Variants in SREBF1 observed in about 807,000 individuals in gnomAD.
SREBF1 encodes sterol regulatory element-binding protein 1.
Under a neutral mutation model 100.1 loss-of-function variants are expected in SREBF1, and 45 were observed. That is an observed-to-expected ratio of 0.45 (90% CI 0.35 to 0.58). The LOEUF (loss-of-function observed/expected upper bound fraction) is 0.58. SREBF1 is among the 20% of genes least tolerant of loss of function. The pLI is 0.00. For missense variants in SREBF1, 1,324 were observed against 1,539.4 expected (o/e 0.86, Z 2.34); for synonymous variants, 657 against 681.8 (o/e 0.96, Z 0.57).
chr17:17,826,594 G>C (rs1022907361), intron 1 of SREBF1, among the ~76,000 whole-genome samples: 8 of 152,156 alleles, frequency 5.3e-5, no homozygotes, highest in African/African-American at 1.9e-4. Context: ...ACCTTCCCCA[G>C]GCTTGTGAAG....
intron 15 of SREBF1, 25 bp from the exon 16 acceptor site, chr17:17,814,435 G>A: frequency 1.3e-6 from 2 of 1,550,604 alleles, no homozygotes; most frequent in Non-Finnish European, 1.7e-6. Flanking sequence ...GCAGAAGAGT[G>A]CCAGTCAGAC....
intron 1 of SREBF1, among the ~76,000 whole-genome samples, chr17:17,836,222 G>T (rs1448717715): frequency 6.6e-6 from 1 of 152,286 alleles, no homozygotes; most frequent in Non-Finnish European, 1.5e-5. Context: ...GTCGCAGACC[G>T]GGAGAACCCG....
chr17:17,815,939 GC>G lies in SREBF1; in HGVS notation c.2303del (p.Gly768AlafsTer34). On this transcript the variant is annotated frameshift_variant, in exon 12 of 19. Coordinates refer to ENST00000261646, the MANE Select transcript of SREBF1 (RefSeq NM_004176.5). LOFTEE classifies it high-confidence loss of function. ...PAMQWLCHPV[G>X]HRFFVDGDWS... The stretch of plus-strand genomic sequence containing the variant: ...AGTCCCCATCCACGAAGAAACGGTG[GC>G]CCACGGGGTGGCAGAGCCACTGCAT... 6.2e-7 allele frequency: 1 copy of G among 1,612,918 alleles called. No individual in the cohort carries two copies. The highest frequency in any genetic ancestry group is 8.5e-7 in the Non-Finnish European group (1 of 1,179,934).
rs908195169 is a variant in SREBF1 at position 17,831,712 on chromosome 17, C to T, written c.91+5015G>A. Among the ~76,000 whole-genome samples the T allele has an allele frequency of 5.3e-5, 8 of 152,324 alleles. No homozygotes were observed. The South Asian group carries it at 1.7e-3, about 32-fold the overall frequency. Reference sequence around the variant, plus strand: ...GGCCATCTCCTGATCCATCCTCCCCCGACAGCTGCAAGGTACTCTGAGGCC... The same window carrying T: ...GGCCATCTCCTGATCCATCCTCCCCTGACAGCTGCAAGGTACTCTGAGGCC... On this transcript the variant is annotated intron_variant, in intron 1 of 18. Transcript: ENST00000261646.
chr17:17,833,315 T>C (rs2034992356), intron 1 of SREBF1, among the ~76,000 whole-genome samples: 1 of 147,684 alleles, frequency 6.8e-6, no homozygotes, highest in Admixed American at 6.8e-5. Context: ...TCCCAGCTAC[T>C]CGGGAGGCTG....
At chr17:17,823,993 C>A (rs930126007) in intron 1 of SREBF1, among the ~76,000 whole-genome samples, 9 of 152,304 alleles carry the variant, frequency 5.9e-5, no homozygotes, top group African/African-American at 2.2e-4. Flanking sequence ...CAGAGAAGTC[C>A]TGGCCCAACA....
At chr17:17,836,593 G>C (rs2035253840) in intron 1 of SREBF1, 134 bp downstream of exon 1, 2 of 891,760 alleles carry the variant, frequency 2.2e-6, no homozygotes, top group South Asian at 1.5e-5. Flanking sequence ...ACCGAGCTCA[G>C]AGACACCGGG....
intron 1 of SREBF1, among the ~76,000 whole-genome samples, chr17:17,836,482 A>C (rs1484805397): frequency 9.2e-5 from 14 of 151,948 alleles, no homozygotes; most frequent in Non-Finnish European, 2.1e-4. Context: ...CCCGGCCCGG[A>C]GCCGCCAAGG....
chr17:17,818,192 G>T, intron 6 of SREBF1, 68 bp downstream of exon 6: 1 of 1,367,696 alleles, frequency 7.3e-7, no homozygotes, highest in Non-Finnish European at 1.0e-6. Flanking sequence ...TAGGGATGGG[G>T]TGGGGCCGGG....
chr17:17,823,562 G>A (rs1430388680), intron 1 of SREBF1: 12 of 1,613,364 alleles, frequency 7.4e-6, no homozygotes, highest in Non-Finnish European at 1.0e-5. Context: ...GCCCGCCCTT[G>A]GGGCGTCCAG....
In SREBF1 at chr17:17,816,240, C is replaced by A; in HGVS notation, c.2181G>T (p.Lys727Asn). 6.2e-7 allele frequency: 1 copy of A among 1,605,222 alleles called. No individual in the cohort carries two copies. The highest frequency in any genetic ancestry group is 1.1e-5 in the South Asian group (1 of 89,742). ...AATGCAAGGCCCGTGGGAGACTGGT[C>A]TTCACTCTCAATGCAGCCGCCACAT... ...EIYVAAALRVKTSLPRALHFL... is the reference protein window; with the variant it reads ...EIYVAAALRVNTSLPRALHFL... Residue 727 changes from lysine to asparagine, a missense_variant, in exon 11 of 19, where the codon AAG becomes AAT. Coordinates refer to ENST00000261646, the MANE Select transcript of SREBF1 (RefSeq NM_004176.5).
intron 4 of SREBF1, 26 bp downstream of exon 4, chr17:17,819,294 C>T (rs1177564648): frequency 1.9e-6 from 3 of 1,613,502 alleles, no homozygotes; most frequent in Non-Finnish European, 2.5e-6. Context: ...GACCCCACTC[C>T]CTTATGCCCT....
At position 17,821,190 on chromosome 17, in the gene SREBF1, T is replaced by G. The variant is rs527323273; in HGVS notation, c.92-669A>C. ...ACACACACACATACACACTGCACCG[T>G]GGACTCAGACCAGCTTCCAAGCATT... On this transcript the variant is annotated intron_variant, in intron 1 of 18. Transcript: ENST00000261646. Among the ~76,000 whole-genome samples, 3 of 148,394 alleles carry G rather than the reference T, an allele frequency of 2.0e-5. No individual in the cohort carries two copies. The East Asian group carries it at 5.8e-4, about 29-fold the overall frequency.
Position 17,817,438 on chromosome 17 carries a change from G to A in SREBF1, c.1424C>T (p.Pro475Leu), listed in dbSNP as rs759727281. ...EDSKAKPEQR[P>L]SLHSRGMLDR... ...CAGCATGCCCCGGCTGTGCAGAGAC[G>A]GCCGCTGCTCTGGCTTTGCCTGGTG... The change falls in exon 8 of 19, where the codon CCG (proline) becomes CTG (leucine). Residue 475 changes from proline (P) to leucine (L), a missense_variant. Coordinates refer to ENST00000261646, the MANE Select transcript of SREBF1 (RefSeq NM_004176.5). The surrounding 1 kb of genome is among the most constrained non-coding windows in gnomAD (Gnocchi z 6.6). 71 of 1,587,862 alleles carry A rather than the reference G, an allele frequency of 4.5e-5. No individual in the cohort carries two copies. Among genetic ancestry groups the A allele is most frequent in the Non-Finnish European group, 5.8e-5 (68 of 1,167,062 alleles).
At chr17:17,815,424 A>T in intron 12 of SREBF1, 95 bp from the exon 13 acceptor site, 2 of 1,018,502 alleles carry the variant, frequency 2.0e-6, no homozygotes, top group Non-Finnish European at 3.0e-6. Flanking sequence ...GGCCACACCT[A>T]GGGCCACTGG....
Position 17,819,745 on chromosome 17 carries a change from G to A in SREBF1, c.524-20C>T. The A allele has an allele frequency of 6.3e-7, 1 of 1,580,184 alleles. No homozygotes were observed. The highest frequency in any genetic ancestry group is 8.6e-7 in the Non-Finnish European group (1 of 1,168,236). ...GGCTTCCTGCAGAAATAAAGCATGG[G>A]GCTGCAGACACAGACCTCCCTCTCC... is the stretch of plus-strand genomic sequence containing the variant. On this transcript the variant is annotated intron_variant, in intron 2 of 18. Coordinates refer to ENST00000261646, the MANE Select transcript of SREBF1 (RefSeq NM_004176.5).
At chr17:17,823,452 C>G in intron 1 of SREBF1, 1 of 1,271,084 alleles carries the variant, frequency 7.9e-7, no homozygotes. Flanking sequence ...GCCCGCCCAC[C>G]CCAGGAGAAC....
In SREBF1 at chr17:17,816,479, C is replaced by T; in HGVS notation, c.2025G>A (p.Lys675=). ...TACCCATGGTGTGCAGCTGGTGCAG[C>T]TTATGGTAGACCAGGGCTGCGTCTC... ...SARDAALVYH[K]LHQLHTMGKH... is the part of the protein sequence containing the mutation. Residue 675 remains lysine, a synonymous_variant, in exon 10 of 19, where the codon AAG becomes AAA. Coordinates refer to ENST00000261646, the MANE Select transcript of SREBF1 (RefSeq NM_004176.5). 9 of 1,606,124 alleles carry T rather than the reference C, an allele frequency of 5.6e-6. No individual in the cohort carries two copies. Among genetic ancestry groups the T allele is most frequent in the East Asian group, 2.2e-5 (1 of 44,554 alleles).
At chr17:17,813,174 G>A in intron 18 of SREBF1, 194 bp downstream of exon 18, 1 of 648,822 alleles carries the variant, frequency 1.5e-6, no homozygotes, top group Non-Finnish European at 2.8e-6. Context: ...TGTCACTCAG[G>A]CTCACTGCGG....
Sources: allele counts gnomAD v4.1 joint callset (sites outside exome capture counted in the v4.1 genomes callset), GRCh38; gene constraint gnomAD v4.1.1; non-coding constraint Gnocchi (gnomAD v3.1); transcripts MANE v1.5; gene names NCBI Gene and HGNC (gene_info 2026-07-23, HGNC 2026-07-21).